Variants in ZNF578 observed in about 807,000 individuals in gnomAD.
The protein encoded by ZNF578 is zinc finger protein 578.
In ZNF578, 8 loss-of-function variants were observed where a neutral mutation model predicts 8.3. The ratio of observed to expected loss-of-function variants is 0.96; its 90% CI spans 0.56 to 1.74. The LOEUF (loss-of-function observed/expected upper bound fraction) is 1.74. ZNF578 is among the 40% of genes most tolerant of loss of function. The pLI is 0.00. For synonymous variants in ZNF578, 206 were observed against 232.2 expected (o/e 0.89, Z 1.03); for missense variants, 726 against 707.5 (o/e 1.03, Z -0.30).
chr19:52,482,796 G>T (rs990431000), intron 2 of ZNF578, among the ~76,000 whole-genome samples: 1 of 151,996 alleles, frequency 6.6e-6, no homozygotes, highest in East Asian at 2.0e-4. Context: ...AATTAGCGGG[G>T]TGTGGTGGTA....
intron 2 of ZNF578, among the ~76,000 whole-genome samples, chr19:52,462,992 T>C (rs913750307): frequency 6.6e-5 from 10 of 152,208 alleles, no homozygotes; most frequent in African/African-American, 1.7e-4. Context: ...TGTAGTAACC[T>C]GATCCTGGGA....
At chr19:52,465,245 C>T (rs200146798) in intron 2 of ZNF578, among the ~76,000 whole-genome samples, 1 of 152,002 alleles carries the variant, frequency 6.6e-6, no homozygotes, top group African/African-American at 2.4e-5. Context: ...CACGGAGAGC[C>T]GAGTCTCGGT....
At chr19:52,504,886 T>C in intron 5 of ZNF578, 105 bp downstream of exon 5, 2 of 1,555,716 alleles carry the variant, frequency 1.3e-6, no homozygotes, top group South Asian at 2.4e-5. Context: ...GTGGTTTTTT[T>C]GTTTGATTGT....
intron 3 of ZNF578, among the ~76,000 whole-genome samples, chr19:52,494,514 G>C (rs2059378886): frequency 6.6e-6 from 1 of 152,114 alleles, no homozygotes; most frequent in Non-Finnish European, 1.5e-5. Flanking sequence ...AAAAAGGGTT[G>C]GGGACTTTGG....
At chr19:52,468,144 CAA>C (rs915801627) in intron 2 of ZNF578, among the ~76,000 whole-genome samples, 73 of 151,950 alleles carry the variant, frequency 4.8e-4, no homozygotes, top group African/African-American at 1.6e-3. Flanking sequence ...TGTACAAAAA[CAA>C]AAAATAATTT....
At position 52,459,303 on chromosome 19, in the gene ZNF578, A is replaced by G. The variant is rs574397491; in HGVS notation, c.-122+2345A>G. Among the ~76,000 whole-genome samples the G allele has an allele frequency of 2.6e-5, 4 of 152,196 alleles. No individual in the cohort carries two copies. The South Asian group carries it at 8.3e-4, about 32-fold the overall frequency. On this transcript the variant is annotated intron_variant, in intron 2 of 5. Coordinates refer to ENST00000421239, the MANE Select transcript of ZNF578 (RefSeq NM_001099694.2). ...CAACCCATCTTTCTATGTTGTTTAT[A>G]TGCATTTGACTACTTTAGTATCCCA... is the stretch of plus-strand genomic sequence containing the variant.
At chr19:52,490,965 T>TATGAAGTATG (rs1466143544) in intron 2 of ZNF578, among the ~76,000 whole-genome samples, 6 of 152,238 alleles carry the variant, frequency 3.9e-5, no homozygotes, top group Non-Finnish European at 8.8e-5. Flanking sequence ...AGATATTCTG[T>TATGAAGTATG]AACTATGAAG....
At chr19:52,483,252 C>G (rs1160614505) in intron 2 of ZNF578, among the ~76,000 whole-genome samples, 4 of 151,840 alleles carry the variant, frequency 2.6e-5, no homozygotes, top group African/African-American at 9.7e-5. Flanking sequence ...CCTGTCTCTA[C>G]TAAAACTACA....
chr19:52,469,167 G>T lies in ZNF578; in HGVS notation c.-122+12209G>T, dbSNP rs115806860. ...TTGGTACCTGGAGTGGTTTTTTTTT[G>T]TTTTTTTTTTTTTGACAGGGTCTCA... On this transcript the variant is annotated intron_variant, in intron 2 of 5. Coordinates refer to ENST00000421239, the MANE Select transcript of ZNF578 (RefSeq NM_001099694.2). Among the ~76,000 whole-genome samples, 444 of 130,560 alleles carry T rather than the reference G, an allele frequency of 3.4e-3. 5 individuals are homozygous for T. The highest frequency in any genetic ancestry group is 8.1e-3 in the Middle Eastern group (2 of 246). The allele number at this position is 130,560 out of a possible 152,430, so 85.7% of individuals were successfully genotyped here.
In ZNF578 at chr19:52,494,744, C is replaced by G. The variant is rs545309002; in HGVS notation, c.-20+3319C>G. On this transcript the variant is annotated intron_variant, in intron 3 of 5. Transcript: ENST00000421239. The stretch of plus-strand genomic sequence containing the variant: ...GGCAGTGACATTCAGTTGTGAGTCA[C>G]TCTCTTCCCTTTTCCCAGGGTGGGG... 3.9e-5 allele frequency among the ~76,000 whole-genome samples: 6 copies of G among 152,212 alleles called. No homozygotes were observed. The South Asian group carries it at 6.2e-4, about 16-fold the overall frequency.
At chr19:52,496,038 G>A (rs1236826989) in intron 3 of ZNF578, among the ~76,000 whole-genome samples, 3 of 151,300 alleles carry the variant, frequency 2.0e-5, no homozygotes, top group Admixed American at 6.6e-5. Context: ...TTTTCTTTTT[G>A]AGATGGAGTC....
At chr19:52,459,426 A>G (rs1213878396) in intron 2 of ZNF578, among the ~76,000 whole-genome samples, 1 of 151,794 alleles carries the variant, frequency 6.6e-6, no homozygotes, top group Admixed American at 6.6e-5. Context: ...ATATGACAGG[A>G]TTTTCTCCTT....
chr19:52,464,512 G>A (rs180917936), intron 2 of ZNF578, among the ~76,000 whole-genome samples: 12 of 152,144 alleles, frequency 7.9e-5, no homozygotes, highest in Non-Finnish European at 7.4e-5. Flanking sequence ...AACCTTTTGC[G>A]GCTTAATGGC....
chr19:52,508,905 T>TC (rs1420874684), intron 5 of ZNF578, among the ~76,000 whole-genome samples: 2 of 139,882 alleles, frequency 1.4e-5, no homozygotes, highest in Admixed American at 7.2e-5. Flanking sequence ...TTTTTTTTTT[T>TC]TTTTTTTTTT....
At chr19:52,480,796 C>G (rs571342817) in intron 2 of ZNF578, among the ~76,000 whole-genome samples, 1 of 151,566 alleles carries the variant, frequency 6.6e-6, no homozygotes, top group Non-Finnish European at 1.5e-5. Flanking sequence ...ACTCGGGTGG[C>G]TGAGGCAGAG....
intron 2 of ZNF578, among the ~76,000 whole-genome samples, chr19:52,486,908 A>G (rs1455247849): frequency 6.6e-6 from 1 of 151,962 alleles, no homozygotes; most frequent in African/African-American, 2.4e-5. Context: ...GAAGAAAGGG[A>G]TAAACGGCAG....
chr19:52,484,678 A>T (rs1256073971), intron 2 of ZNF578, among the ~76,000 whole-genome samples: 1 of 151,850 alleles, frequency 6.6e-6, no homozygotes, highest in Non-Finnish European at 1.5e-5. Flanking sequence ...TTCCTGCCTT[A>T]ACTGATGACA....
At chr19:52,461,786 T>G (rs2059258753) in intron 2 of ZNF578, among the ~76,000 whole-genome samples, 1 of 152,194 alleles carries the variant, frequency 6.6e-6, no homozygotes, top group Non-Finnish European at 1.5e-5. Flanking sequence ...TCCATCAAGA[T>G]AGTATTTTCC....
chr19:52,453,701 C>T (rs1326086355), intron 1 of ZNF578, 94 bp downstream of exon 1: 1 of 152,154 alleles, frequency 6.6e-6, no homozygotes, highest in African/African-American at 2.4e-5. Context: ...ATCCTCCCGC[C>T]GTTCCCTCCA....
Sources: allele counts gnomAD v4.1 joint callset (sites outside exome capture counted in the v4.1 genomes callset), GRCh38; gene constraint gnomAD v4.1.1; transcripts MANE v1.5; gene names NCBI Gene and HGNC (gene_info 2026-07-23, HGNC 2026-07-21).